The following ZNF276 variants were observed in gnomAD, a reference collection of about 807,000 sequenced individuals.
ZNF276 encodes the protein zinc finger protein 276.
ZNF276 carries 59 observed loss-of-function variants against 63.9 expected under a neutral mutation model. The ratio of observed to expected loss-of-function variants is 0.92; its 90% CI spans 0.75 to 1.15. The LOEUF (loss-of-function observed/expected upper bound fraction) is 1.15. Ranked by LOEUF, ZNF276 falls within the 50% of genes most tolerant of loss-of-function variation. The pLI, the probability that ZNF276 is intolerant of heterozygous loss-of-function variation, is 0.00. For synonymous variants in ZNF276, 496 were observed against 348.4 expected (o/e 1.42, Z -4.72); for missense variants, 1,084 against 843.8 (o/e 1.28, Z -3.53).
rs1373593248 is a variant in ZNF276, at chr16:89,738,191, C to A, written c.1790C>A (p.Pro597Gln). The A allele has an allele frequency of 6.2e-7, 1 of 1,611,620 alleles. No homozygotes were observed. The highest frequency in any genetic ancestry group is 1.3e-5 in the African/African-American group (1 of 75,002). Reference sequence around the variant, plus strand: ...CTGGAGGCGGAACCACCACCTGGGCCACCGAGCCCCTCTGTGACCACAGAG... The same window carrying A: ...CTGGAGGCGGAACCACCACCTGGGCAACCGAGCCCCTCTGTGACCACAGAG... The part of the protein sequence containing the change: ...LPLEAEPPPG[P>Q]PSPSVTTEGQ... Residue 597 changes from proline (P) to glutamine (Q), a missense_variant, in exon 11 of 11, where the codon CCA becomes CAA. Pro to Gln is a moderately conservative substitution (Grantham distance 76). Transcript: ENST00000443381.
chr16:89,740,648 A>G lies in ZNF276; in HGVS notation c.*2402A>G. ...GAGACCCCCATCTCAAAAAAAAAAA[A>G]AAAAAACCCACGGCCTGGGAGTTCT... On this transcript the variant is annotated 3_prime_UTR_variant, in exon 11 of 11. Coordinates refer to ENST00000443381, the MANE Select transcript of ZNF276 (RefSeq NM_001113525.2). 1 of 647,440 alleles carries G rather than the reference A, an allele frequency of 1.5e-6. No individual in the cohort carries two copies. Among genetic ancestry groups the G allele is most frequent in the Non-Finnish European group, 2.7e-6 (1 of 364,706 alleles). The allele number at this position is 647,440 out of a possible 1,614,324, so 40.1% of individuals were successfully genotyped here. A position where few individuals can be genotyped will look rare whatever the true frequency, so the allele number is the denominator to read the frequency against.
Position 89,721,669 on chromosome 16 carries a change from TG to T in ZNF276, c.30del (p.Ser11LeufsTer178). 3.4e-6 allele frequency: 5 copies of T among 1,463,850 alleles called. No homozygotes were observed. The highest frequency in any genetic ancestry group is 2.0e-4 in the Middle Eastern group (1 of 5,058). 90.7% of individuals were successfully genotyped at this position (1,463,850 alleles called of 1,614,324 possible). A position where few individuals can be genotyped will look rare whatever the true frequency, so the allele number is the denominator to read the frequency against. On this transcript the variant is annotated frameshift_variant, in exon 1 of 11. Coordinates refer to ENST00000443381, the MANE Select transcript of ZNF276 (RefSeq NM_001113525.2). LOFTEE classifies it high-confidence loss of function. ...AAGCGGGACCGGCTGGGCCGCTTCCTGTCTCCTGGGTCGTCCCGACAGTGCG... is the reference window on the plus strand; with the variant it reads ...AAGCGGGACCGGCTGGGCCGCTTCCTTCTCCTGGGTCGTCCCGACAGTGCG... MKRDRLGRF[L>X]SPGSSRQCGA...
chr16:89,723,037 G>A lies in ZNF276; in HGVS notation c.510-100G>A, dbSNP rs956570081. Reference sequence around the variant, plus strand: ...GGTGAGGGAAGAGAAAGTTGCCTATGGGGACCGCTGAGGTTTGAGATCTCG... The same window carrying A: ...GGTGAGGGAAGAGAAAGTTGCCTATAGGGACCGCTGAGGTTTGAGATCTCG... On this transcript the variant is annotated intron_variant, in intron 2 of 10. Coordinates refer to ENST00000443381, the MANE Select transcript of ZNF276 (RefSeq NM_001113525.2). The A allele has an allele frequency of 1.1e-5, 17 of 1,607,112 alleles. No homozygotes were observed. In the African/African-American group the frequency reaches 2.0e-4, roughly 19 times the overall value.
upstream of ZNF276, chr16:89,720,738 A>G: frequency 7.0e-7 from 1 of 1,426,232 alleles, no homozygotes; most frequent in Non-Finnish European, 9.2e-7. Flanking sequence ...CTCAGCGGCC[A>G]AGCCCCGCCC....
Position 89,739,705 on chromosome 16 carries a change from C to G in ZNF276, c.*1459C>G. ...AGCCTGAGCTGAGGATACCCAGGTACCTGTCAGCAGCTGGGAGAGGATGGG... is the reference window on the plus strand; with the variant it reads ...AGCCTGAGCTGAGGATACCCAGGTAGCTGTCAGCAGCTGGGAGAGGATGGG... On this transcript the variant is annotated 3_prime_UTR_variant, in exon 11 of 11. Transcript: ENST00000443381. 7 of 1,511,222 alleles carry G rather than the reference C, an allele frequency of 4.6e-6. No individual in the cohort carries two copies. Among genetic ancestry groups the G allele is most frequent in the Non-Finnish European group, 6.2e-6 (7 of 1,126,640 alleles). The allele number at this position is 1,511,222 out of a possible 1,614,324, so 93.6% of individuals were successfully genotyped here.
At chr16:89,729,163 G>A in intron 5 of ZNF276, 72 bp from the exon 6 acceptor site, 4 of 1,256,374 alleles carry the variant, frequency 3.2e-6, no homozygotes, top group Non-Finnish European at 4.7e-6. Context: ...GGTATCTTTA[G>A]GCAGGAGGTC....
upstream of ZNF276, chr16:89,720,816 C>G (rs868830569): frequency 4.1e-6 from 6 of 1,455,448 alleles, no homozygotes; most frequent in Non-Finnish European, 5.5e-6. Context: ...AGCTTCATGG[C>G]GCTCTGCAGC....
intron 5 of ZNF276, among the ~76,000 whole-genome samples, chr16:89,728,096 G>C (rs572125570): frequency 6.6e-6 from 1 of 152,262 alleles, no homozygotes; most frequent in Non-Finnish European, 1.5e-5. Context: ...GATGTGCAGT[G>C]ATGAAATCGG....
intron 6 of ZNF276, chr16:89,732,039 T>C (rs1212914650): frequency 2.6e-5 from 4 of 152,300 alleles, no homozygotes; most frequent in African/African-American, 9.6e-5. Flanking sequence ...CCTTCACAGT[T>C]GAGCGTGGTG....
At chr16:89,733,723 T>C (rs867947083) in intron 8 of ZNF276, among the ~76,000 whole-genome samples, 166 bp downstream of exon 8, 2 of 152,014 alleles carry the variant, frequency 1.3e-5, no homozygotes, top group Non-Finnish European at 2.9e-5. Context: ...TGGGGGTAGA[T>C]GTGAGGCCAG....
chr16:89,733,255 C>T (rs1277184937), intron 6 of ZNF276, 47 bp from the exon 7 acceptor site: 1 of 1,548,214 alleles, frequency 6.5e-7, no homozygotes, highest in African/African-American at 1.4e-5. Context: ...AAACATTTTG[C>T]AAATGGAGAT....
rs376355528 is a variant in ZNF276, at chr16:89,723,196, C to G, written c.556+13C>G. 6.2e-7 allele frequency: 1 copy of G among 1,613,220 alleles called. No homozygotes were observed. Among genetic ancestry groups the G allele is most frequent in the Non-Finnish European group, 8.5e-7 (1 of 1,180,026 alleles). ...GGAGCGTGTCTGGGTGAGTCCTCCC[C>G]CGGTGGAGGGTGGGCTGGGTGCCGA... On this transcript the variant is annotated intron_variant, in intron 3 of 10. Coordinates refer to ENST00000443381, the MANE Select transcript of ZNF276 (RefSeq NM_001113525.2).
In ZNF276 at chr16:89,739,811, C is replaced by A. The variant is rs932777662; in HGVS notation, c.*1565C>A. 1 of 1,464,374 alleles carries A rather than the reference C, an allele frequency of 6.8e-7. No individual in the cohort carries two copies. Among genetic ancestry groups the A allele is most frequent in the African/African-American group, 1.4e-5 (1 of 70,880 alleles). The allele number at this position is 1,464,374 out of a possible 1,614,324, so 90.7% of individuals were successfully genotyped here. ...ATAGGCCCATTGGTCCTGGGGTTGA[C>A]CAGTGAGCCAGTAAATTATCTTATT... On this transcript the variant is annotated 3_prime_UTR_variant, in exon 11 of 11. Coordinates refer to ENST00000443381, the MANE Select transcript of ZNF276 (RefSeq NM_001113525.2).
chr16:89,732,436 T>G (rs2061684288), intron 6 of ZNF276: 1 of 153,050 alleles, frequency 6.5e-6, no homozygotes, highest in African/African-American at 2.4e-5. Flanking sequence ...GGCTTGAGCT[T>G]GGAATCAAGC....
chr16:89,731,133 G>A (rs1315057531), intron 6 of ZNF276, among the ~76,000 whole-genome samples: 1 of 152,230 alleles, frequency 6.6e-6, no homozygotes, highest in African/African-American at 2.4e-5. Context: ...ACAAACAAGG[G>A]GCCACCCAAT....
At position 89,733,346 on chromosome 16, in the gene ZNF276, A is replaced by T. The variant is rs377667372; in HGVS notation, c.1214A>T (p.Glu405Val). The T allele has an allele frequency of 1.9e-6, 3 of 1,614,170 alleles. No homozygotes were observed. The highest frequency in any genetic ancestry group is 2.5e-6 in the Non-Finnish European group (3 of 1,180,038). Reference protein sequence around the residue: ...KSESKEAKKSEEPRIRKKPGP... With the variant: ...KSESKEAKKSVEPRIRKKPGP... ...GAAAGCAAAGAAGCCAAGAAGTCTG[A>T]AGAACCAAGAATTCGGAAGAAGCCG... Residue 405 changes from glutamate (E) to valine (V), a missense_variant, in exon 7 of 11, where the codon GAA becomes GTA. Transcript: ENST00000443381.
Position 89,739,794 on chromosome 16 carries a change from A to C in ZNF276, c.*1548A>C, listed in dbSNP as rs1277154129. 4.1e-6 allele frequency: 6 copies of C among 1,467,190 alleles called. No homozygotes were observed. Among genetic ancestry groups the C allele is most frequent in the Non-Finnish European group, 5.4e-6 (6 of 1,113,210 alleles). The allele number at this position is 1,467,190 out of a possible 1,614,324, so 90.9% of individuals were successfully genotyped here. A position where few individuals can be genotyped will look rare whatever the true frequency, so the allele number is the denominator to read the frequency against. ...GAGAGGCAGTCCCCATGATAGGCCCATTGGTCCTGGGGTTGACCAGTGAGC... is the reference window on the plus strand; with the variant it reads ...GAGAGGCAGTCCCCATGATAGGCCCCTTGGTCCTGGGGTTGACCAGTGAGC... On this transcript the variant is annotated 3_prime_UTR_variant, in exon 11 of 11. Coordinates refer to ENST00000443381, the MANE Select transcript of ZNF276 (RefSeq NM_001113525.2).
intron 7 of ZNF276, 34 bp from the exon 8 acceptor site, chr16:89,733,447 CG>C (rs749811400): frequency 6.2e-7 from 1 of 1,614,092 alleles, no homozygotes; most frequent in Non-Finnish European, 8.5e-7. Context: ...CCCTGCCTGT[CG>C]GGGCCGGGGC....
At chr16:89,725,653 T>G (rs1253601614) in intron 4 of ZNF276, among the ~76,000 whole-genome samples, 2 of 152,034 alleles carry the variant, frequency 1.3e-5, no homozygotes, top group African/African-American at 4.8e-5. Context: ...TAGCTGGATG[T>G]GGCTGTGGTT....
Sources: gnomAD v4.1 joint callset for allele counts (sites outside exome capture counted in the v4.1 genomes callset) on GRCh38, gnomAD v4.1.1 for gene constraint, MANE v1.5 for transcripts, NCBI Gene and HGNC (gene_info 2026-07-23, HGNC 2026-07-21) for gene names.